WASHC2C: variants seen among roughly 807,000 people sequenced by gnomAD.
The protein encoded by WASHC2C is Vaccinia Penetration Factor.
WASHC2C carries 73 observed loss-of-function variants against 142.2 expected under a neutral mutation model. The ratio of observed to expected loss-of-function variants is 0.51; its 90% CI spans 0.43 to 0.62. WASHC2C has a LOEUF of 0.62. Ranked by LOEUF, WASHC2C falls within the 20% of genes least tolerant of loss-of-function variation. The probability of loss-of-function intolerance (pLI) is 0.00; values close to 1 mark genes in which losing one functional copy is unlikely to be tolerated. For synonymous variants in WASHC2C, 337 were observed against 565.5 expected, an observed-to-expected ratio of 0.60 and a Z score of 5.73; for missense variants, 969 against 1,531.7, an observed-to-expected ratio of 0.63 and a Z score of 6.13.
At chr10:45,742,463 C>CGCCA (rs1369361244) in intron 5 of WASHC2C, among the ~76,000 whole-genome samples, 1 of 151,726 alleles carries the variant, frequency 6.6e-6, no homozygotes, top group Non-Finnish European at 1.5e-5. Context: ...TATAGGTGTG[C>CGCCA]GCCACCACAC....
rs748144236 is a variant in WASHC2C, at chr10:45,727,486, G to A, written c.73G>A (p.Val25Met). Reference sequence around the variant, plus strand: ...GCCCGTGTGGGAGCGGCCGTGGTCGGTGGAGGAGATCCGCAGGAGCAGCCA... The same window carrying A: ...GCCCGTGTGGGAGCGGCCGTGGTCGATGGAGGAGATCCGCAGGAGCAGCCA... ...SEPVWERPWS[V>M]EEIRRSSQSW... Residue 25 changes from valine to methionine, a missense_variant, in exon 2 of 31, where the codon GTG becomes ATG. By Grantham distance (21) the Val-to-Met change is conservative. Transcript: ENST00000623400. The A allele has an allele frequency of 1.6e-5, 25 of 1,607,568 alleles. No homozygotes were observed. The East Asian group carries it at 2.9e-4, about 19-fold the overall frequency.
At position 45,738,012 on chromosome 10, in the gene WASHC2C, A is replaced by C. The variant is rs1219842553; in HGVS notation, c.321A>C (p.Pro107=). Reference sequence around the variant, plus strand: ...TATATGATGAAGAAGTGGAGGAGCCAGTACTCAAGGCTGAGGCAGAAAAAA... The same window carrying C: ...TATATGATGAAGAAGTGGAGGAGCCCGTACTCAAGGCTGAGGCAGAAAAAA... ...NRVYDEEVEE[P]VLKAEAEKTE... is the part of the protein sequence containing the mutation. The change falls in exon 4 of 31, where the codon CCA becomes CCC. Residue 107 remains proline, a synonymous_variant. Coordinates refer to ENST00000623400, the MANE Select transcript of WASHC2C (RefSeq NM_001330074.2). 1 of 1,611,788 alleles carries C rather than the reference A, an allele frequency of 6.2e-7. No homozygotes were observed. The highest frequency in any genetic ancestry group is 1.3e-5 in the African/African-American group (1 of 74,810).
intron 4 of WASHC2C, among the ~76,000 whole-genome samples, chr10:45,739,578 C>G (rs572946115): frequency 6.6e-6 from 1 of 151,150 alleles, no homozygotes; most frequent in African/African-American, 2.4e-5. Flanking sequence ...TGATGTAGAA[C>G]AGATTTATAA....
At chr10:45,772,484 A>G (rs1554885016) in intron 20 of WASHC2C, among the ~76,000 whole-genome samples, 2 of 152,092 alleles carry the variant, frequency 1.3e-5, no homozygotes, top group African/African-American at 4.8e-5. Flanking sequence ...TGGGAGGCCA[A>G]GTGGAAGGAT....
intron 8 of WASHC2C, among the ~76,000 whole-genome samples, chr10:45,748,743 T>C (rs1253333894): frequency 6.6e-6 from 1 of 152,004 alleles, no homozygotes; most frequent in Non-Finnish European, 1.5e-5. Context: ...AGTTCATTGA[T>C]TCAAACATTG....
chr10:45,730,713 G>A (rs575875375), intron 3 of WASHC2C, among the ~76,000 whole-genome samples: 223 of 151,296 alleles, frequency 1.5e-3, no homozygotes, highest in African/African-American at 5.0e-3. Context: ...TCCGCCTCCC[G>A]GGTTCACGCC....
In WASHC2C at chr10:45,727,546, G is replaced by A. The variant is rs758344923; in HGVS notation, c.126+7G>A. 5.7e-6 allele frequency: 9 copies of A among 1,573,592 alleles called. No individual in the cohort carries two copies. In the East Asian group the frequency reaches 9.3e-5, roughly 16 times the overall value. On this transcript the variant is annotated splice_region_variant and intron_variant, in intron 2 of 30. Transcript: ENST00000623400. ...GCTGGCGGCCGACGCGGGCGTGAGA[G>A]GCGGGCCCCGGGGACGCGAGAGCGG...
At chr10:45,746,796 G>C in intron 8 of WASHC2C, 149 bp downstream of exon 8, 1 of 1,007,338 alleles carries the variant, frequency 9.9e-7, no homozygotes, top group East Asian at 2.5e-5. Context: ...ATGTATTTAG[G>C]CTAACTACCT....
intron 15 of WASHC2C, 35 bp downstream of exon 15, chr10:45,755,150 C>G (rs782312619): frequency 6.4e-7 from 1 of 1,569,264 alleles, no homozygotes. Context: ...AGGACTTCAG[C>G]CAGAAAAAGA....
In WASHC2C at chr10:45,728,855, A is replaced by T. The variant is rs900965571; in HGVS notation, c.127-7A>T. On this transcript the variant is annotated splice_polypyrimidine_tract_variant and splice_region_variant and intron_variant, in intron 2 of 30. Coordinates refer to ENST00000623400, the MANE Select transcript of WASHC2C (RefSeq NM_001330074.2). ...TGATACTACTGTATGTTTATTTTTT[A>T]AAATAGCTACTACAGTTTCTACAGG... The T allele has an allele frequency of 6.2e-7, 1 of 1,611,252 alleles. No homozygotes were observed. The highest frequency in any genetic ancestry group is 1.1e-5 in the South Asian group (1 of 90,598).
rs1310891059 is a variant in WASHC2C at position 45,766,401 on chromosome 10, A to G, written c.1869+591A>G. ...CTCCTTTCCTCTGGGAATAGGGAGGACTGGAATGAAGGTTTTATGACCTAC... is the reference window on the plus strand; with the variant it reads ...CTCCTTTCCTCTGGGAATAGGGAGGGCTGGAATGAAGGTTTTATGACCTAC... On this transcript the variant is annotated intron_variant, in intron 19 of 30. Coordinates refer to ENST00000623400, the MANE Select transcript of WASHC2C (RefSeq NM_001330074.2). Among the ~76,000 whole-genome samples, 4 of 144,618 alleles carry G rather than the reference A, an allele frequency of 2.8e-5. No homozygotes were observed. The East Asian group carries it at 8.0e-4, about 29-fold the overall frequency. The allele number at this position is 144,618 out of a possible 152,430, so 94.9% of individuals were successfully genotyped here.
chr10:45,781,720 T>TAGA (rs1447915475), intron 23 of WASHC2C, among the ~76,000 whole-genome samples: 2 of 126,280 alleles, frequency 1.6e-5, no homozygotes, highest in African/African-American at 5.9e-5. Context: ...GTACAACTCC[T>TAGA]AGAATCTAGA....
chr10:45,727,209 C>T (rs1472073818), upstream of WASHC2C: 5 of 1,491,888 alleles, frequency 3.4e-6, no homozygotes, highest in East Asian at 5.0e-5. Flanking sequence ...CATCAGGTCA[C>T]GTGAGGCCGG....
chr10:45,730,871 G>A (rs1256902672), intron 3 of WASHC2C, among the ~76,000 whole-genome samples: 4 of 151,902 alleles, frequency 2.6e-5, no homozygotes, highest in African/African-American at 7.3e-5. Context: ...CGCCCACCTC[G>A]ACCTCCCAAA....
At chr10:45,768,202 G>C (rs1431512934) in intron 19 of WASHC2C, among the ~76,000 whole-genome samples, 8 of 151,348 alleles carry the variant, frequency 5.3e-5, no homozygotes, top group African/African-American at 1.9e-4. Context: ...ACTCCAGCCC[G>C]GGCCACAGAG....
chr10:45,754,247 T>A (rs1165180996), intron 13 of WASHC2C, among the ~76,000 whole-genome samples: 3 of 152,204 alleles, frequency 2.0e-5, no homozygotes, highest in Non-Finnish European at 4.4e-5. Flanking sequence ...TGTGGCTTGA[T>A]GACGGTCAGC....
At chr10:45,742,827 C>T (rs1329013906) in intron 5 of WASHC2C, among the ~76,000 whole-genome samples, 1 of 150,778 alleles carries the variant, frequency 6.6e-6, no homozygotes, top group East Asian at 1.9e-4. Flanking sequence ...TAATTAGGCC[C>T]TTGGGGAGGG....
intron 3 of WASHC2C, among the ~76,000 whole-genome samples, chr10:45,736,146 A>G (rs1480636338): frequency 5.3e-5 from 8 of 150,782 alleles, no homozygotes; most frequent in African/African-American, 1.9e-4. Context: ...GGTGGCTCAC[A>G]CCTGTAATCC....
intron 14 of WASHC2C, 90 bp from the exon 15 acceptor site, chr10:45,754,846 A>C (rs1206673597): frequency 2.0e-6 from 3 of 1,510,662 alleles, no homozygotes; most frequent in African/African-American, 1.4e-5. Flanking sequence ...ACTGAAATGG[A>C]AAGTTTTTGG....
Sources: allele counts gnomAD v4.1 joint callset (sites outside exome capture counted in the v4.1 genomes callset), GRCh38; gene constraint gnomAD v4.1.1; transcripts MANE v1.5; gene names NCBI Gene and HGNC (gene_info 2026-07-23, HGNC 2026-07-21).